The following TUBGCP2 variants were observed in gnomAD, a reference collection of about 807,000 sequenced individuals.
TUBGCP2 encodes tubulin gamma complex component 2.
Under a neutral mutation model 92.2 loss-of-function variants are expected in TUBGCP2, and 55 were observed. That is an observed-to-expected ratio of 0.60 (90% CI 0.48 to 0.75). The LOEUF (loss-of-function observed/expected upper bound fraction) is 0.75, where lower values mean the gene tolerates loss of function less well. Ranked by LOEUF, TUBGCP2 falls within the 30% of genes least tolerant of loss-of-function variation. The pLI is 0.00. For missense variants in TUBGCP2, 1,093 were observed against 1,188.9 expected (o/e 0.92, Z 1.19); for synonymous variants, 533 against 505.2 (o/e 1.06, Z -0.74).
upstream of TUBGCP2, chr10:133,311,992 A>G (rs1024687083): frequency 1.2e-6 from 2 of 1,604,850 alleles, no homozygotes; most frequent in Non-Finnish European, 1.7e-6. Flanking sequence ...AAGAAAGTCC[A>G]GATATCTCAG....
chr10:133,285,244 G>T lies in TUBGCP2; in HGVS notation c.1896-31C>A. ...AGAGACGTGGCGGCACCTCAGGTGG[G>T]CCTCCGTGACCGGCGGCGTCGTGGA... is the stretch of plus-strand genomic sequence containing the variant. On this transcript the variant is annotated intron_variant, in intron 12 of 17. Transcript: ENST00000252936. The surrounding 1 kb of genome is among the most constrained non-coding windows in gnomAD (Gnocchi z 6.8). The T allele has an allele frequency of 6.2e-7, 1 of 1,609,338 alleles. No individual in the cohort carries two copies.
In TUBGCP2 at chr10:133,293,625, A is replaced by C. The variant is rs1399127201; in HGVS notation, c.761T>G (p.Leu254Arg). 1.5e-5 allele frequency: 24 copies of C among 1,570,984 alleles called. No individual in the cohort carries two copies. The Admixed American group carries it at 4.5e-4, about 29-fold the overall frequency. Residue 254 changes from leucine to arginine, a missense_variant, in exon 6 of 18, where the codon CTG becomes CGG. Physicochemically the swap from Leu to Arg is moderately radical, Grantham distance 102. Around this residue, in one of 3 missense-constraint regions of TUBGCP2, gnomAD observed 490 missense variants for 488.5 expected, o/e 1.00. Transcript: ENST00000252936. ...RTFLVDPNLD[L>R]SIRELVHRIL... ...CCTGTGCACCAGCTCCCTGATGGAC[A>C]GGTCCAGGTTGGGGTCCACGAGGAA...
At chr10:133,282,095 CT>C in intron 16 of TUBGCP2, 127 bp downstream of exon 16, 4 of 1,440,924 alleles carry the variant, frequency 2.8e-6, no homozygotes, top group Non-Finnish European at 3.7e-6. Context: ...AATTTTAAGT[CT>C]TTTCTTCAAT....
In TUBGCP2 at chr10:133,293,185, G is replaced by A. The variant is rs138230773; in HGVS notation, c.878C>T (p.Ala293Val). The A allele has an allele frequency of 3.3e-4, 528 of 1,613,860 alleles. 1 individual carries two copies. In the African/African-American group the frequency reaches 3.5e-3, roughly 11 times the overall value. Residue 293 changes from alanine to valine, a missense_variant, in exon 7 of 18, where the codon GCG (alanine) becomes GTG (valine). Physicochemically the swap from Ala to Val is moderately conservative, Grantham distance 64. Coordinates refer to ENST00000252936, the MANE Select transcript of TUBGCP2 (RefSeq NM_006659.4). ...CTTCACCAGGGTGCGCATGGCGGCC[G>A]CCAGGGCGTGGTTCACCTGCCCGTA... ...FEYGQVNHAL[A>V]AAMRTLVKEH...
At position 133,285,195 on chromosome 10, in the gene TUBGCP2, G is replaced by C; in HGVS notation, c.1914C>G (p.Tyr638Ter). The stretch of plus-strand genomic sequence containing the variant: ...AGAACATGTGCCTGAAGAGCATCTG[G>C]TAGCGAGTGAGGGCTTTCCTGCAAG... ...LIINRKALTR[Y>*]QMLFRHMFYC... Residue 638 changes from tyrosine (Y) to a stop codon, truncating the protein, a stop_gained, in exon 13 of 18, where the codon TAC (tyrosine) becomes TAG (stop). Coordinates refer to ENST00000252936, the MANE Select transcript of TUBGCP2 (RefSeq NM_006659.4). LOFTEE classifies it high-confidence loss of function. This position sits in a 1 kb window ranked among gnomAD's most constrained non-coding sequence, Gnocchi z 6.8. The C allele has an allele frequency of 6.2e-7, 1 of 1,612,976 alleles. No individual in the cohort carries two copies. Among genetic ancestry groups the C allele is most frequent in the Non-Finnish European group, 8.5e-7 (1 of 1,179,998 alleles).
intron 5 of TUBGCP2, 106 bp downstream of exon 5, chr10:133,297,846 C>T: frequency 6.6e-7 from 1 of 1,518,112 alleles, no homozygotes; most frequent in Non-Finnish European, 8.9e-7. Context: ...GCAAAGTGTC[C>T]TGCCCAGAGG....
chr10:133,285,341 C>G lies in TUBGCP2; in HGVS notation c.1895+115G>C, dbSNP rs2995327. ...CGTGAATCTCTCGGACACTGAAGGC[C>G]GGGGAGAGCCGCCTTGGGTCCTCTG... On this transcript the variant is annotated intron_variant, in intron 12 of 17. Coordinates refer to ENST00000252936, the MANE Select transcript of TUBGCP2 (RefSeq NM_006659.4). This position sits in a 1 kb window ranked among gnomAD's most constrained non-coding sequence, Gnocchi z 6.8. The G allele has an allele frequency of 6.3e-7, 1 of 1,587,708 alleles. No homozygotes were observed. The highest frequency in any genetic ancestry group is 8.6e-7 in the Non-Finnish European group (1 of 1,168,692).
chr10:133,286,031 TCCTCA>T (rs1408678140), intron 11 of TUBGCP2, among the ~76,000 whole-genome samples: 2 of 152,080 alleles, frequency 1.3e-5, no homozygotes, highest in African/African-American at 4.8e-5. Context: ...AGTAATACTG[TCCTCA>T]CGTTAATCAC....
chr10:133,298,105 C>T lies in TUBGCP2; in HGVS notation c.463G>A (p.Glu155Lys), dbSNP rs754042881. ...TCTCGAAGCATCTTTCTTTTAAGTT[C>T]CAGAGACTAGCAAGGACATTTTAAA... ...ATGSTLQQSLELKRKMLRDKQ... is the reference protein window; with the variant it reads ...ATGSTLQQSLKLKRKMLRDKQ... Residue 155 changes from glutamate (E) to lysine (K), a missense_variant, in exon 5 of 18, where the codon GAA (glutamate) becomes AAA (lysine). This residue lies in a region of TUBGCP2 where 490 missense variants were observed against 488.5 expected (regional missense o/e 1.00). Transcript: ENST00000252936. 6.2e-7 allele frequency: 1 copy of T among 1,613,674 alleles called. No homozygotes were observed. The highest frequency in any genetic ancestry group is 8.5e-7 in the Non-Finnish European group (1 of 1,179,874).
upstream of TUBGCP2, chr10:133,310,139 G>A (rs1847956080): frequency 6.2e-7 from 1 of 1,613,324 alleles, no homozygotes. Context: ...GGGGTCAGAG[G>A]GAGGTGACAC....
At chr10:133,284,985 A>C in intron 13 of TUBGCP2, 100 bp downstream of exon 13, 1 of 1,480,820 alleles carries the variant, frequency 6.8e-7, no homozygotes, top group East Asian at 2.3e-5. Flanking sequence ...AAGCCTAGAA[A>C]GCTGTCTACC....
intron 16 of TUBGCP2, 113 bp from the exon 17 acceptor site, chr10:133,281,549 A>C: frequency 7.6e-7 from 1 of 1,316,274 alleles, no homozygotes; most frequent in Non-Finnish European, 1.0e-6. Context: ...TCTTAAATAG[A>C]AAACATGGGT....
Position 133,302,874 on chromosome 10 carries a change from T to TCTC in TUBGCP2, c.65_67dup (p.Gly22dup). ...CAGGTCAATGTAGACCTCAGCCCCA[T>TCTC]CTCCTCCGTGGACACGCAGCAGGCT... On this transcript the variant is annotated inframe_insertion, in exon 2 of 18. Transcript: ENST00000252936. The TCTC allele has an allele frequency of 6.2e-7, 1 of 1,614,024 alleles. No individual in the cohort carries two copies. Among genetic ancestry groups the TCTC allele is most frequent in the Non-Finnish European group, 8.5e-7 (1 of 1,180,008 alleles).
At chr10:133,304,109 A>T (rs1771246511) in intron 1 of TUBGCP2, among the ~76,000 whole-genome samples, 1 of 152,148 alleles carries the variant, frequency 6.6e-6, no homozygotes, top group African/African-American at 2.4e-5. Flanking sequence ...GAGTCAGGTG[A>T]GTCACTCGAG....
chr10:133,289,820 G>GGACCCCAGGTCCCTGCCTGCTGCGCCA lies in TUBGCP2; in HGVS notation c.1360+3_1360+4insTGGCGCAGCAGGCAGGGACCTGGGGTC, dbSNP rs1554935359. On this transcript the variant is annotated splice_donor_region_variant and intron_variant, in intron 9 of 17. Transcript: ENST00000252936. ...ACCCCAAGTCCCCGCCCGCTGCGCC[G>GGACCCCAGGTCCCTGCCTGCTGCGCCA]CACCTGTGCTGAGGATCTTGTCCGC... The GGACCCCAGGTCCCTGCCTGCTGCGCCA allele has an allele frequency of 1.4e-6, 2 of 1,469,802 alleles. No individual in the cohort carries two copies. Among genetic ancestry groups the GGACCCCAGGTCCCTGCCTGCTGCGCCA allele is most frequent in the African/African-American group, 5.0e-5 (2 of 40,230 alleles). The allele number at this position is 1,469,802 out of a possible 1,614,324, so 91.0% of individuals were successfully genotyped here.
chr10:133,283,358 G>T, intron 14 of TUBGCP2, 137 bp from the exon 15 acceptor site: 2 of 1,273,740 alleles, frequency 1.6e-6, no homozygotes, highest in Non-Finnish European at 2.1e-6. Context: ...GGGCTTTTAG[G>T]GGAAAACTTC....
chr10:133,312,227 C>T (rs1025173247), upstream of TUBGCP2: 34 of 1,376,564 alleles, frequency 2.5e-5, no homozygotes, highest in East Asian at 3.5e-4. Flanking sequence ...TCACCTGTGC[C>T]GTCTGCCTTC....
intron 5 of TUBGCP2, among the ~76,000 whole-genome samples, chr10:133,294,247 G>A (rs999641559): frequency 6.6e-6 from 1 of 152,202 alleles, no homozygotes; most frequent in Admixed American, 6.5e-5. Context: ...GCTTCCTCAC[G>A]AGGACGGCCA....
At chr10:133,303,656 G>T (rs999605809) in intron 1 of TUBGCP2, among the ~76,000 whole-genome samples, 1 of 152,166 alleles carries the variant, frequency 6.6e-6, no homozygotes, top group Non-Finnish European at 1.5e-5. Flanking sequence ...CTCAGAGCCC[G>T]CGGTGCTCAG....
Sources: gnomAD v4.1 joint callset for allele counts (sites outside exome capture counted in the v4.1 genomes callset) on GRCh38, gnomAD v4.1.1 for gene constraint, gnomAD v4.1.1 regional missense constraint, Gnocchi (gnomAD v3.1) non-coding constraint, MANE v1.5 for transcripts, NCBI Gene and HGNC (gene_info 2026-07-23, HGNC 2026-07-21) for gene names.